The following JMJD4 variants were observed in gnomAD, a reference collection of about 807,000 sequenced individuals.
The protein encoded by JMJD4 is jumonji domain containing 4.
A neutral mutation model predicts 36.3 loss-of-function variants in JMJD4; 34 were observed. That is an observed-to-expected ratio of 0.94 (90% CI 0.71 to 1.25). The LOEUF is 1.25. Ranked by LOEUF, JMJD4 falls within the 50% of genes most tolerant of loss-of-function variation. The pLI, the probability that JMJD4 is intolerant of heterozygous loss-of-function variation, is 0.00. For synonymous variants in JMJD4, 269 were observed against 235.3 expected (o/e 1.14, Z -1.31); for missense variants, 584 against 559.1 (o/e 1.04, Z -0.45).
Position 227,732,987 on chromosome 1 carries a change from A to T in JMJD4, c.863T>A (p.Phe288Tyr), listed in dbSNP as rs1168908496. The part of the protein sequence containing the change: ...ISINHNWVNG[F>Y]NLANMWRFLQ... ...GAAGCGCCACATGTTGGCCAGGTTG[A>T]AGCCATTGACCCAGTTGTGGTTGAT... The change falls in exon 5 of 6, where the codon TTC becomes TAC. Residue 288 changes from phenylalanine (F) to tyrosine (Y), a missense_variant. Phe to Tyr is a conservative substitution (Grantham distance 22). Transcript: ENST00000620518. The T allele has an allele frequency of 6.2e-7, 1 of 1,613,508 alleles. No homozygotes were observed. Among genetic ancestry groups the T allele is most frequent in the Non-Finnish European group, 8.5e-7 (1 of 1,180,016 alleles).
At position 227,732,312 on chromosome 1, in the gene JMJD4, G is replaced by A. The variant is rs74365220; in HGVS notation, c.*80C>T. On this transcript the variant is annotated 3_prime_UTR_variant, in exon 6 of 6. Coordinates refer to ENST00000620518, the MANE Select transcript of JMJD4 (RefSeq NM_023007.3). ...AGGGGTGGGCCCCAGGTCACAGGGA[G>A]GGCGGTCTTTATTTCTGGAAGGGCC... 7.7e-4 allele frequency: 1,173 copies of A among 1,513,930 alleles called. 10 individuals carry two copies. In the African/African-American group the frequency reaches 0.014, roughly 18 times the overall value. The allele number at this position is 1,513,930 out of a possible 1,614,324, so 93.8% of individuals were successfully genotyped here.
At chr1:227,734,068 G>GT (rs1297813524) in intron 2 of JMJD4, 36 bp from the exon 3 acceptor site, 1 of 1,602,272 alleles carries the variant, frequency 6.2e-7, no homozygotes. Flanking sequence ...CCGACAGCAC[G>GT]TGAGGCACGA....
Position 227,735,129 on chromosome 1 carries a change from A to C in JMJD4, c.145T>G (p.Leu49Val). 1 of 1,579,940 alleles carries C rather than the reference A, an allele frequency of 6.3e-7. No homozygotes were observed. The highest frequency in any genetic ancestry group is 8.6e-7 in the Non-Finnish European group (1 of 1,163,984). ...FSYADFVRGF[L>V]LPNLPCVFSS... is the part of the protein sequence containing the mutation. ...AACACGCAGGGCAGGTTGGGCAGCA[A>C]GAAGCCCCGCACAAAGTCGGCGTAG... The change falls in exon 1 of 6, where the codon TTG (leucine) becomes GTG (valine). Residue 49 changes from leucine to valine, a missense_variant. Coordinates refer to ENST00000620518, the MANE Select transcript of JMJD4 (RefSeq NM_023007.3).
chr1:227,735,259 C>G lies in JMJD4; in HGVS notation c.15G>C (p.Thr5=). The G allele has an allele frequency of 6.2e-7, 1 of 1,604,146 alleles. No individual in the cohort carries two copies. The highest frequency in any genetic ancestry group is 8.5e-7 in the Non-Finnish European group (1 of 1,176,232). ...GGAAGTGGCTGTCGGCGAGGGCGCG[C>G]GTCTCGCGGTCCATCCAGCTCAGCA... MDRE[T]RALADSHFRG... The change falls in exon 1 of 6, where the codon ACG becomes ACC. Residue 5 remains threonine (T), a synonymous_variant. Transcript: ENST00000620518.
Position 227,734,308 on chromosome 1 carries a change from G to A in JMJD4, c.429-276C>T, listed in dbSNP as rs111395560. The A allele has an allele frequency of 9.6e-3, 3,898 of 407,612 alleles. 117 individuals are homozygous for A. The highest frequency in any genetic ancestry group is 0.076 in the African/African-American group (3,409 of 44,934). The allele number at this position is 407,612 out of a possible 1,614,324, so 25.2% of individuals were successfully genotyped here. On this transcript the variant is annotated intron_variant, in intron 2 of 5. Coordinates refer to ENST00000620518, the MANE Select transcript of JMJD4 (RefSeq NM_023007.3). ...AGGTGGATGCATCACCTGAGCTCAGGAGTTCAAGACCAGCCTGGGCAACAT... is the reference window on the plus strand; with the variant it reads ...AGGTGGATGCATCACCTGAGCTCAGAAGTTCAAGACCAGCCTGGGCAACAT...
rs775524177 is a variant in JMJD4, at chr1:227,733,981, G to C, written c.480C>G (p.Asp160Glu). 3 of 1,613,834 alleles carry C rather than the reference G, an allele frequency of 1.9e-6. No individual in the cohort carries two copies. The highest frequency in any genetic ancestry group is 2.2e-5 in the South Asian group (2 of 91,094). ...GTGCATCCCAGAACTCATTCAGCCA[G>C]TCGGACGAGAAGTACACAGGCAGGG... ...VFTLPVYFSS[D>E]WLNEFWDALD... The change falls in exon 3 of 6, where the codon GAC becomes GAG. Residue 160 changes from aspartate to glutamate, a missense_variant. Physicochemically the swap from Asp to Glu is conservative, Grantham distance 45. Coordinates refer to ENST00000620518, the MANE Select transcript of JMJD4 (RefSeq NM_023007.3).
At chr1:227,732,736 A>T in intron 5 of JMJD4, 60 bp from the exon 6 acceptor site, 1 of 1,597,682 alleles carries the variant, frequency 6.3e-7, no homozygotes, top group East Asian at 2.2e-5. Flanking sequence ...GCTGCAAAGG[A>T]CCCGACATGC....
At position 227,732,223 on chromosome 1, in the gene JMJD4, T is replaced by C. The variant is rs533865821; in HGVS notation, c.*169A>G. 8.2e-6 allele frequency: 6 copies of C among 732,002 alleles called. No homozygotes were observed. In the Admixed American group the frequency reaches 1.1e-4, roughly 13 times the overall value. The allele number at this position is 732,002 out of a possible 1,614,324, so 45.3% of individuals were successfully genotyped here. A position where few individuals can be genotyped will look rare whatever the true frequency, so the allele number is the denominator to read the frequency against. ...TCCCATCTTGGGTCCCTGACCTCAT[T>C]GGGCCTCACCTGAAAACAGGCACCC... On this transcript the variant is annotated 3_prime_UTR_variant, in exon 6 of 6. Transcript: ENST00000620518.
chr1:227,734,561 T>G, intron 2 of JMJD4, 90 bp downstream of exon 2: 1 of 1,269,918 alleles, frequency 7.9e-7, no homozygotes, highest in Non-Finnish European at 1.1e-6. Flanking sequence ...AGCTCCGTTG[T>G]GCACCCAGGG....
In JMJD4 at chr1:227,732,337, C is replaced by T; in HGVS notation, c.*55G>A. The T allele has an allele frequency of 1.3e-6, 2 of 1,588,618 alleles. No homozygotes were observed. Among genetic ancestry groups the T allele is most frequent in the Non-Finnish European group, 1.7e-6 (2 of 1,163,286 alleles). ...GGGCGGTCTTTATTTCTGGAAGGGC[C>T]CCGGAGCAGGAGGCTGCCTCTCTTC... On this transcript the variant is annotated 3_prime_UTR_variant, in exon 6 of 6. Transcript: ENST00000620518.
Position 227,732,574 on chromosome 1 carries a change from C to A in JMJD4, c.1072G>T (p.Glu358Ter). 6.2e-7 allele frequency: 1 copy of A among 1,613,524 alleles called. No individual in the cohort carries two copies. The highest frequency in any genetic ancestry group is 8.5e-7 in the Non-Finnish European group (1 of 1,180,034). ...RLLVLREAAA[E>*]DGAGLGFEQA... ...TCGAAACCCAACCCAGCACCGTCCTCAGCGGCTGCCTCCCTCAGGACCAGG... is the reference window on the plus strand; with the variant it reads ...TCGAAACCCAACCCAGCACCGTCCTAAGCGGCTGCCTCCCTCAGGACCAGG... Residue 358 changes from glutamate (E) to a stop codon, truncating the protein, a stop_gained, in exon 6 of 6, where the codon GAG becomes TAG. Transcript: ENST00000620518. LOFTEE classifies it low-confidence loss of function (END_TRUNC).
chr1:227,731,851 C>CACCTGTCTCTTATACACATCTGACGCTG lies in JMJD4; in HGVS notation c.*540_*541insCAGCGTCAGATGTGTATAAGAGACAGGT. On this transcript the variant is annotated 3_prime_UTR_variant, in exon 6 of 6. Transcript: ENST00000620518. ...GGTGGCAAAGGCCAGCCCAACCCAG[C>CACCTGTCTCTTATACACATCTGACGCTG]CCTCCACTCTGGGTACCCAGAGGAA... The CACCTGTCTCTTATACACATCTGACGCTG allele has an allele frequency of 6.2e-6, 1 of 161,308 alleles. No homozygotes were observed. Among genetic ancestry groups the CACCTGTCTCTTATACACATCTGACGCTG allele is most frequent in the Non-Finnish European group, 1.4e-5 (1 of 72,404 alleles). 10.0% of individuals were successfully genotyped at this position (161,308 alleles called of 1,614,324 possible).
rs763914988 is a variant in JMJD4, at chr1:227,733,983, C to A, written c.478G>T (p.Asp160Tyr). ...VFTLPVYFSS[D>Y]WLNEFWDALD... ...GCATCCCAGAACTCATTCAGCCAGT[C>A]GGACGAGAAGTACACAGGCAGGGTG... The change falls in exon 3 of 6, where the codon GAC (aspartate) becomes TAC (tyrosine). Residue 160 changes from aspartate (D) to tyrosine (Y), a missense_variant. By Grantham distance (160) the Asp-to-Tyr change is radical. Transcript: ENST00000620518. 1.9e-6 allele frequency: 3 copies of A among 1,613,932 alleles called. No homozygotes were observed. Among genetic ancestry groups the A allele is most frequent in the Non-Finnish European group, 1.7e-6 (2 of 1,180,012 alleles).
rs759885709 is a variant in JMJD4 at position 227,733,571 on chromosome 1, C to T, written c.665G>A (p.Arg222His). The change falls in exon 4 of 6, where the codon CGC (arginine) becomes CAC (histidine). Residue 222 changes from arginine (R) to histidine (H), a missense_variant. Physicochemically the swap from Arg to His is conservative, Grantham distance 29. Transcript: ENST00000620518. ...PPGQEEALRD[R>H]HGNLPYDVTS... ...CACGTCGTAGGGCAGGTTGCCGTGGCGGTCCCGCAGGGCCTCTTCCTGCCC... is the reference window on the plus strand; with the variant it reads ...CACGTCGTAGGGCAGGTTGCCGTGGTGGTCCCGCAGGGCCTCTTCCTGCCC... The T allele has an allele frequency of 3.2e-5, 52 of 1,606,020 alleles. 1 individual carries two copies. The East Asian group carries it at 5.1e-4, about 16-fold the overall frequency.
At chr1:227,733,763 G>A (rs1660842615) in intron 3 of JMJD4, 82 bp from the exon 4 acceptor site, 1 of 1,589,636 alleles carries the variant, frequency 6.3e-7, no homozygotes. Context: ...TGGTCCAACT[G>A]AAGGAGGGGT....
At chr1:227,732,856 T>C (rs376440410) in intron 5 of JMJD4, 25 bp downstream of exon 5, 35 of 1,611,262 alleles carry the variant, frequency 2.2e-5, no homozygotes, top group East Asian at 8.9e-5. Flanking sequence ...CCCAGGAGGG[T>C]AGCCTCCATG....
intron 4 of JMJD4, 53 bp downstream of exon 4, chr1:227,733,361 C>G: frequency 2.0e-6 from 3 of 1,532,710 alleles, no homozygotes; most frequent in South Asian, 2.5e-5. Flanking sequence ...GGTGGTGCTG[C>G]CGTCTTCCTG....
Position 227,732,602 on chromosome 1 carries a change from C to A in JMJD4, c.1044G>T (p.Arg348Ser), listed in dbSNP as rs202034599. The A allele has an allele frequency of 1.2e-6, 2 of 1,613,534 alleles. No individual in the cohort carries two copies. The highest frequency in any genetic ancestry group is 2.2e-5 in the South Asian group (2 of 91,082). The change falls in exon 6 of 6, where the codon AGG (arginine) becomes AGT (serine). Residue 348 changes from arginine to serine, a missense_variant. By Grantham distance (110) the Arg-to-Ser change is moderately radical. Transcript: ENST00000620518. ...CGGCTGCCTCCCTCAGGACCAGGAGCCTCTTCTCAGCGATGACCTTGAGGA... is the reference window on the plus strand; with the variant it reads ...CGGCTGCCTCCCTCAGGACCAGGAGACTCTTCTCAGCGATGACCTTGAGGA... ...YHFLKVIAEKRLLVLREAAAE... is the reference protein window; with the variant it reads ...YHFLKVIAEKSLLVLREAAAE...
At position 227,735,158 on chromosome 1, in the gene JMJD4, A is replaced by T. The variant is rs1237124197; in HGVS notation, c.116T>A (p.Phe39Tyr). The T allele has an allele frequency of 6.3e-7, 1 of 1,581,100 alleles. No homozygotes were observed. Among genetic ancestry groups the T allele is most frequent in the Admixed American group, 1.8e-5 (1 of 55,340 alleles). The change falls in exon 1 of 6, where the codon TTC becomes TAC. Residue 39 changes from phenylalanine (F) to tyrosine (Y), a missense_variant. Physicochemically the swap from Phe to Tyr is conservative, Grantham distance 22 (BLOSUM62 3). Coordinates refer to ENST00000620518, the MANE Select transcript of JMJD4 (RefSeq NM_023007.3). ...GCCCCGCACAAAGTCGGCGTAGGAGAAGGCGCCCGGCTCCGAGACGAAGGC... is the reference window on the plus strand; with the variant it reads ...GCCCCGCACAAAGTCGGCGTAGGAGTAGGCGCCCGGCTCCGAGACGAAGGC... ...RVAFVSEPGAFSYADFVRGFL... is the reference protein window; with the variant it reads ...RVAFVSEPGAYSYADFVRGFL...
Sources: gnomAD v4.1 joint callset for allele counts on GRCh38, gnomAD v4.1.1 for gene constraint, MANE v1.5 for transcripts, NCBI Gene and HGNC (gene_info 2026-07-23, HGNC 2026-07-21) for gene names.